Variants in HOMER2 observed in about 807,000 individuals in gnomAD.
The protein encoded by HOMER2 is homer protein homolog 2.
In HOMER2, 27 loss-of-function variants were observed where a neutral mutation model predicts 47.0. The ratio of observed to expected loss-of-function variants is 0.57; its 90% CI spans 0.42 to 0.79. The LOEUF (loss-of-function observed/expected upper bound fraction) is 0.79. Ranked by LOEUF, HOMER2 falls within the 30% of genes least tolerant of loss-of-function variation. The pLI, the probability that HOMER2 is intolerant of heterozygous loss-of-function variation, is 0.00. For missense variants in HOMER2, 443 were observed against 435.0 expected (o/e 1.02, Z -0.16); for synonymous variants, 161 against 163.8 (o/e 0.98, Z 0.13).
chr15:82,945,843 G>A (rs146285488), intron 1 of HOMER2, among the ~76,000 whole-genome samples: 2,073 of 152,054 alleles, frequency 0.014, 18 homozygotes, highest in Non-Finnish European at 0.02. Flanking sequence ...GGTGGCAGGC[G>A]CCTGTAGTCC....
chr15:82,940,073 C>T (rs188749201), intron 1 of HOMER2, among the ~76,000 whole-genome samples: 15 of 151,834 alleles, frequency 9.9e-5, no homozygotes, highest in Admixed American at 9.2e-4. Context: ...GTCGTGGGGT[C>T]GGGGGAGTGG....
At chr15:82,985,095 G>A (rs541071221) in intron 1 of HOMER2, among the ~76,000 whole-genome samples, 1 of 152,240 alleles carries the variant, frequency 6.6e-6, no homozygotes, top group African/African-American at 2.4e-5. Context: ...GAGGGGGAGA[G>A]ACAGGTATTT....
rs1351892088 is a variant in HOMER2 at position 82,915,960 on chromosome 15, A to T, written c.6-23119T>A. On this transcript the variant is annotated intron_variant, in intron 1 of 8. Transcript: ENST00000450735. ...AGTAAATATTTGCTCACATGGAAAG[A>T]TGGTCTTCTTTTCTTTATGTATTCT... 3.9e-5 allele frequency among the ~76,000 whole-genome samples: 6 copies of T among 152,248 alleles called. No homozygotes were observed. In the East Asian group the frequency reaches 1.2e-3, roughly 29 times the overall value.
At position 82,962,481 on chromosome 15, in the gene HOMER2, A is replaced by G. The variant is rs557619258; in HGVS notation, n.83-3173T>C. On this transcript the variant is annotated intron_variant and non_coding_transcript_variant, in intron 1 of 1. Coordinates refer to the HOMER2 transcript ENST00000500334. ...CACCTGAAGTCAGGACTTTGAGACCAGCCTGACCAACACGGCGAAATGCTG... is the reference window on the plus strand; with the variant it reads ...CACCTGAAGTCAGGACTTTGAGACCGGCCTGACCAACACGGCGAAATGCTG... Among the ~76,000 whole-genome samples the G allele has an allele frequency of 3.9e-5, 6 of 152,100 alleles. No homozygotes were observed. In the South Asian group the frequency reaches 1.0e-3, roughly 26 times the overall value.
intron 1 of HOMER2, among the ~76,000 whole-genome samples, chr15:82,985,173 G>T (rs1052673082): frequency 6.6e-6 from 1 of 152,192 alleles, no homozygotes; most frequent in South Asian, 2.1e-4. Context: ...ACAGGGTCTG[G>T]TTTACCACTG....
downstream of HOMER2, chr15:82,844,724 T>C (rs985508567): frequency 6.6e-6 from 1 of 152,210 alleles, no homozygotes; most frequent in Non-Finnish European, 1.5e-5. Context: ...AACAGTACTC[T>C]TGGGAGAGTT....
At chr15:82,879,298 C>T (rs1275296095) in intron 2 of HOMER2, among the ~76,000 whole-genome samples, 2 of 152,140 alleles carry the variant, frequency 1.3e-5, no homozygotes, top group Non-Finnish European at 2.9e-5. Context: ...GAGTTCGAGA[C>T]CAGCCTGGAC....
At chr15:82,861,819 C>A (rs1382157362) in intron 4 of HOMER2, among the ~76,000 whole-genome samples, 2 of 151,998 alleles carry the variant, frequency 1.3e-5, no homozygotes, top group African/African-American at 4.8e-5. Flanking sequence ...TCAGCCTGAG[C>A]CAACATGGTG....
intron 6 of HOMER2, among the ~76,000 whole-genome samples, chr15:82,853,422 A>G (rs541773970): frequency 7.2e-5 from 11 of 152,352 alleles, no homozygotes; most frequent in African/African-American, 1.7e-4. Flanking sequence ...CCCAACCGTC[A>G]GCACCAAGAT....
upstream of HOMER2, among the ~76,000 whole-genome samples, chr15:82,953,436 G>A (rs1185067500): frequency 6.6e-6 from 1 of 152,114 alleles, no homozygotes; most frequent in African/African-American, 2.4e-5. Flanking sequence ...TCTCTTCGTC[G>A]CCTTTCTACC....
At chr15:82,878,825 G>A (rs187832747) in intron 2 of HOMER2, among the ~76,000 whole-genome samples, 84 of 152,182 alleles carry the variant, frequency 5.5e-4, no homozygotes, top group African/African-American at 2.0e-3. Context: ...ATGGGGTTTC[G>A]CCATGTTGCC....
intron 1 of HOMER2, among the ~76,000 whole-genome samples, chr15:82,896,232 C>G (rs2052912877): frequency 1.3e-5 from 2 of 152,208 alleles, no homozygotes; most frequent in Middle Eastern, 6.8e-3. Context: ...CTTCCGCAAG[C>G]ACTCTCTGTC....
chr15:82,928,595 T>C (rs2053915206), intron 1 of HOMER2, among the ~76,000 whole-genome samples: 2 of 152,178 alleles, frequency 1.3e-5, no homozygotes, highest in African/African-American at 4.8e-5. Flanking sequence ...TTTTAGACTG[T>C]AACTTCTTCA....
upstream of HOMER2, among the ~76,000 whole-genome samples, chr15:82,957,630 G>A (rs923390752): frequency 2.0e-5 from 3 of 152,122 alleles, no homozygotes. Context: ...AAGACTATGG[G>A]CTGTCTCTTT....
chr15:82,964,198 T>C lies in HOMER2; in HGVS notation n.83-4890A>G, dbSNP rs150104811. On this transcript the variant is annotated intron_variant and non_coding_transcript_variant, in intron 1 of 1. Coordinates refer to the HOMER2 transcript ENST00000500334. ...TAATTGTCAGAGCTGAAATTTAACC[T>C]TGGGGCCCTCCTGATACAGGCTTGC... is the stretch of plus-strand genomic sequence containing the variant. Among the ~76,000 whole-genome samples, 42 of 152,316 alleles carry C rather than the reference T, an allele frequency of 2.8e-4. No homozygotes were observed. The East Asian group carries it at 7.5e-3, about 27-fold the overall frequency.
chr15:82,923,748 C>A (rs1227672052), intron 1 of HOMER2, among the ~76,000 whole-genome samples: 1 of 152,202 alleles, frequency 6.6e-6, no homozygotes, highest in Non-Finnish European at 1.5e-5. Context: ...CTGAGGTACA[C>A]TGACCCTCTC....
chr15:82,862,306 C>T (rs540374960), intron 4 of HOMER2, among the ~76,000 whole-genome samples: 25 of 152,232 alleles, frequency 1.6e-4, no homozygotes, highest in Admixed American at 3.3e-4. Context: ...AATACATATA[C>T]GTTAAATAAC....
intron 5 of HOMER2, among the ~76,000 whole-genome samples, chr15:82,857,657 C>T (rs1419069319): frequency 6.6e-6 from 1 of 152,090 alleles, no homozygotes; most frequent in Admixed American, 6.5e-5. Flanking sequence ...TCTCGAACTC[C>T]TGACCTCAAG....
intron 4 of HOMER2, 57 bp from the exon 5 acceptor site, chr15:82,859,192 C>T: frequency 6.2e-7 from 1 of 1,611,352 alleles, no homozygotes; most frequent in Non-Finnish European, 8.5e-7. Context: ...ATTATCTTCA[C>T]ACGTTATTGC....
Sources: allele counts gnomAD v4.1 joint callset (sites outside exome capture counted in the v4.1 genomes callset), GRCh38; gene constraint gnomAD v4.1.1; transcripts MANE v1.5; gene names NCBI Gene and HGNC (gene_info 2026-07-23, HGNC 2026-07-21).